CSMD1: variants seen among roughly 807,000 people sequenced by gnomAD.
CSMD1 encodes the protein CUB and Sushi multiple domains 1, also known as CUB and sushi domain-containing protein 1.
Under a neutral mutation model 417.5 loss-of-function variants are expected in CSMD1, and 213 were observed. The ratio of observed to expected loss-of-function variants is 0.51; its 90% confidence interval spans 0.46 to 0.57. The LOEUF is 0.57. CSMD1 is among the 20% of genes least tolerant of loss of function. CSMD1 has a pLI of 0.00. For missense variants in CSMD1, 6,923 were observed against 4,529.7 expected (o/e 1.53, Z -15.17); for synonymous variants, 2,862 against 1,736.8 (o/e 1.65, Z -16.11).
chr8:3,977,815 G>A (rs148696515), intron 5 of CSMD1, among the ~76,000 whole-genome samples: 217 of 152,266 alleles, frequency 1.4e-3, no homozygotes, highest in African/African-American at 5.1e-3. Context: ...TTCCTTATAT[G>A]ATTCTGTAGG....
rs368711462 is a variant in CSMD1 at position 3,317,049 on chromosome 8, G to C, written c.3632-8546C>G. ...TATTTTGCAAATTGAGCCTGAGTGA[G>C]AGTGGACACAGAAGACTCAGTAGAT... On this transcript the variant is annotated intron_variant, in intron 23 of 69. Coordinates refer to ENST00000635120, the MANE Select transcript of CSMD1 (RefSeq NM_033225.6). 2.6e-5 allele frequency among the ~76,000 whole-genome samples: 4 copies of C among 152,230 alleles called. No homozygotes were observed. In the East Asian group the frequency reaches 5.8e-4, roughly 22 times the overall value.
chr8:3,823,972 A>C (rs1483440632), intron 5 of CSMD1, among the ~76,000 whole-genome samples: 3 of 152,190 alleles, frequency 2.0e-5, no homozygotes, highest in Non-Finnish European at 4.4e-5. Flanking sequence ...TTAGTTTTCA[A>C]ATAGTTCTGA....
intron 12 of CSMD1, among the ~76,000 whole-genome samples, chr8:3,439,410 C>T (rs1010623181): frequency 1.4e-5 from 2 of 142,652 alleles, no homozygotes; most frequent in Non-Finnish European, 3.0e-5. Flanking sequence ...AGGTGTTACA[C>T]AGTGTTCTAT....
intron 41 of CSMD1, among the ~76,000 whole-genome samples, chr8:3,136,398 G>A (rs541782803): frequency 2.6e-5 from 4 of 151,916 alleles, no homozygotes; most frequent in African/African-American, 7.2e-5. Context: ...CTGAGAAGTT[G>A]GGATCACAGG....
At chr8:3,188,777 G>C (rs939191171) in intron 35 of CSMD1, 110 bp downstream of exon 35, 17 of 944,254 alleles carry the variant, frequency 1.8e-5, no homozygotes, top group Non-Finnish European at 2.2e-5. Context: ...GGAAAAAAGA[G>C]AGAGGGAGAG....
At chr8:4,013,713 C>A (rs1796388698) in intron 4 of CSMD1, among the ~76,000 whole-genome samples, 1 of 152,172 alleles carries the variant, frequency 6.6e-6, no homozygotes, top group African/African-American at 2.4e-5. Flanking sequence ...GCCCCAGCAG[C>A]TACAACAAAT....
chr8:2,966,070 G>T, intron 58 of CSMD1, 116 bp from the exon 59 acceptor site: 3 of 864,970 alleles, frequency 3.5e-6, no homozygotes, highest in South Asian at 1.6e-5. Context: ...GTTAAGCAGT[G>T]AATTAATACA....
intron 23 of CSMD1, among the ~76,000 whole-genome samples, chr8:3,315,184 C>T (rs987240555): frequency 2.0e-5 from 3 of 152,144 alleles, no homozygotes; most frequent in African/African-American, 7.2e-5. Context: ...AGTGTTTTCA[C>T]ACCATTTCCT....
chr8:3,220,072 G>A (rs765956296), intron 28 of CSMD1, among the ~76,000 whole-genome samples: 1 of 150,506 alleles, frequency 6.6e-6, no homozygotes, highest in African/African-American at 2.5e-5. Flanking sequence ...TTGAGGCCAG[G>A]AGTCTGAGGC....
chr8:3,734,781 G>A (rs1339963993), intron 6 of CSMD1, among the ~76,000 whole-genome samples: 5 of 152,152 alleles, frequency 3.3e-5, no homozygotes, highest in Admixed American at 2.0e-4. Context: ...AGATCTCTCT[G>A]CTCTCTGCAA....
intron 41 of CSMD1, among the ~76,000 whole-genome samples, chr8:3,141,338 G>A (rs930584357): frequency 1.3e-5 from 2 of 152,290 alleles, no homozygotes; most frequent in East Asian, 1.9e-4. Context: ...TAACCTTTAA[G>A]CTGTCCTTGT....
At chr8:3,017,265 C>A (rs2128967568) in intron 52 of CSMD1, among the ~76,000 whole-genome samples, 1 of 152,264 alleles carries the variant, frequency 6.6e-6, no homozygotes, top group Non-Finnish European at 1.5e-5. Flanking sequence ...AAGAGCTTGT[C>A]CATATCAAAG....
At chr8:4,474,079 A>T (rs1362548301) in intron 2 of CSMD1, among the ~76,000 whole-genome samples, 1 of 152,214 alleles carries the variant, frequency 6.6e-6, no homozygotes, top group East Asian at 1.9e-4. Flanking sequence ...TAATGTATGC[A>T]ATTACAATCT....
intron 1 of CSMD1, among the ~76,000 whole-genome samples, chr8:4,806,850 A>G (rs1425234863): frequency 6.6e-6 from 1 of 152,196 alleles, no homozygotes; most frequent in African/African-American, 2.4e-5. Context: ...TGTCATAAAA[A>G]AATAATAAAA....
At chr8:3,633,674 G>T (rs1049625104) in intron 7 of CSMD1, among the ~76,000 whole-genome samples, 6 of 152,120 alleles carry the variant, frequency 3.9e-5, no homozygotes, top group Admixed American at 2.6e-4. Flanking sequence ...CATGAAAATA[G>T]TGTATATAAA....
chr8:4,543,090 T>C (rs970589128), intron 2 of CSMD1, among the ~76,000 whole-genome samples: 1 of 152,228 alleles, frequency 6.6e-6, no homozygotes, highest in South Asian at 2.1e-4. Context: ...GTTTTCCCTA[T>C]TATCAACATC....
intron 1 of CSMD1, among the ~76,000 whole-genome samples, chr8:4,912,122 C>CAAAAAAAAAAAAAAAAAAAAAAA (rs36194482): frequency 2.7e-4 from 23 of 84,540 alleles, no homozygotes; most frequent in Middle Eastern, 6.4e-3. Context: ...AACATAGCTT[C>CAAAAAAAAAAAAAAAAAAAAAAA]AAAAAAAAAA....
intron 10 of CSMD1, among the ~76,000 whole-genome samples, chr8:3,518,450 C>A (rs1041846956): frequency 6.6e-6 from 1 of 152,110 alleles, no homozygotes; most frequent in Non-Finnish European, 1.5e-5. Flanking sequence ...AAAATTCTGA[C>A]ACATAGAAAC....
At chr8:4,378,166 C>G (rs1270370291) in intron 3 of CSMD1, among the ~76,000 whole-genome samples, 4 of 152,212 alleles carry the variant, frequency 2.6e-5, no homozygotes, top group African/African-American at 9.6e-5. Context: ...TTCACTTATA[C>G]TCTAGATATT....
Sources: allele counts gnomAD v4.1 joint callset (sites outside exome capture counted in the v4.1 genomes callset), GRCh38; gene constraint gnomAD v4.1.1; transcripts MANE v1.5; gene names NCBI Gene and HGNC (gene_info 2026-07-23, HGNC 2026-07-21).